The following PCDHA11 variants were observed in gnomAD, a reference collection of about 807,000 sequenced individuals.
The protein encoded by PCDHA11 is protocadherin alpha 11.
Under a neutral mutation model 70.3 loss-of-function variants are expected in PCDHA11, and 61 were observed. The ratio of observed to expected loss-of-function variants is 0.87; its 90% CI spans 0.71 to 1.07. The LOEUF (loss-of-function observed/expected upper bound fraction) is 1.07. PCDHA11 is among the 50% of genes least tolerant of loss of function. The pLI, the probability that PCDHA11 is intolerant of heterozygous loss-of-function variation, is 0.00. For missense variants in PCDHA11, 1,324 were observed against 1,237.5 expected (o/e 1.07, Z -1.05); for synonymous variants, 633 against 555.1 (o/e 1.14, Z -1.97).
At chr5:140,908,142 A>G (rs1371459142) in intron 1 of PCDHA11, among the ~76,000 whole-genome samples, 1 of 152,158 alleles carries the variant, frequency 6.6e-6, no homozygotes, top group Non-Finnish European at 1.5e-5. Flanking sequence ...TCCTTCAGGT[A>G]TGTCCTAGGA....
chr5:140,883,213 A>G, intron 1 of PCDHA11: 1 of 1,614,090 alleles, frequency 6.2e-7, no homozygotes, highest in South Asian at 1.1e-5. Flanking sequence ...AAAAGAAATT[A>G]TATGAAATAT....
At chr5:140,897,340 C>G (rs1326802877) in intron 1 of PCDHA11, among the ~76,000 whole-genome samples, 1 of 122,842 alleles carries the variant, frequency 8.1e-6, no homozygotes, top group African/African-American at 3.1e-5. Flanking sequence ...CCCCTCCCCC[C>G]ACCCCACAAC....
intron 1 of PCDHA11, chr5:140,969,039 A>G: frequency 6.2e-7 from 1 of 1,614,130 alleles, no homozygotes; most frequent in Non-Finnish European, 8.5e-7. Context: ...GAACTGTACA[A>G]ACAAGCCAAC....
At chr5:140,905,611 T>C (rs1396340503) in intron 1 of PCDHA11, among the ~76,000 whole-genome samples, 1 of 152,224 alleles carries the variant, frequency 6.6e-6, no homozygotes, top group South Asian at 2.1e-4. Flanking sequence ...ATTGAATCTA[T>C]AGATTGCTTT....
intron 1 of PCDHA11, among the ~76,000 whole-genome samples, chr5:140,932,822 A>G (rs1191525374): frequency 6.6e-6 from 1 of 151,946 alleles, no homozygotes; most frequent in Non-Finnish European, 1.5e-5. Context: ...ATAAGTGGGA[A>G]AGTATTGACA....
Position 140,884,123 on chromosome 5 carries a change from C to T in PCDHA11, c.2391+12629C>T, listed in dbSNP as rs1360744073. 2.5e-6 allele frequency: 4 copies of T among 1,613,230 alleles called. No homozygotes were observed. The African/African-American group carries it at 4.0e-5, about 16-fold the overall frequency. ...ATTGCAGCTGGCGGCGGTCGGCGCGCGCATCCCGTTCCGCGTGGGGCTGTA... is the reference window on the plus strand; with the variant it reads ...ATTGCAGCTGGCGGCGGTCGGCGCGTGCATCCCGTTCCGCGTGGGGCTGTA... On this transcript the variant is annotated intron_variant, in intron 1 of 3. Coordinates refer to ENST00000398640, the MANE Select transcript of PCDHA11 (RefSeq NM_018902.5).
intron 1 of PCDHA11, chr5:140,967,968 G>A: frequency 3.1e-6 from 5 of 1,614,218 alleles, no homozygotes; most frequent in Non-Finnish European, 4.2e-6. Flanking sequence ...CGGAAAGTGA[G>A]CCTGGGTCTG....
chr5:140,876,466 G>C, intron 1 of PCDHA11: 1 of 1,614,018 alleles, frequency 6.2e-7, no homozygotes, highest in Non-Finnish European at 8.5e-7. Flanking sequence ...TTCCATGGCA[G>C]GTCACAGCAT....
intron 1 of PCDHA11, chr5:140,927,118 G>T (rs2083863389): frequency 6.2e-7 from 1 of 1,613,946 alleles, no homozygotes; most frequent in East Asian, 2.2e-5. Context: ...CGGCAATTTG[G>T]TGGTCAGAGA....
At chr5:140,922,735 G>A (rs1370700616) in intron 1 of PCDHA11, among the ~76,000 whole-genome samples, 2 of 152,078 alleles carry the variant, frequency 1.3e-5, no homozygotes, top group Admixed American at 1.3e-4. Flanking sequence ...ACAAGGTTGA[G>A]AAAAATAAAT....
chr5:140,963,717 T>C (rs2095787814), intron 1 of PCDHA11, among the ~76,000 whole-genome samples: 1 of 152,256 alleles, frequency 6.6e-6, no homozygotes, highest in Admixed American at 6.5e-5. Context: ...ATGCTACATA[T>C]AGACTGCCAA....
intron 1 of PCDHA11, among the ~76,000 whole-genome samples, chr5:140,938,353 C>G (rs2092034112): frequency 6.6e-6 from 1 of 152,138 alleles, no homozygotes; most frequent in Admixed American, 6.5e-5. Flanking sequence ...TGTCTTATTC[C>G]TGGTCTCAGA....
rs1160788033 is a variant in PCDHA11, at chr5:140,869,511, A to T, written c.408A>T (p.Arg136Ser). 4 of 1,614,076 alleles carry T rather than the reference A, an allele frequency of 2.5e-6. No individual in the cohort carries two copies. The highest frequency in any genetic ancestry group is 2.5e-6 in the Non-Finnish European group (3 of 1,180,040). Reference sequence around the variant, plus strand: ...ACAACCCGCCGGTGTTCTCGCTCAGAGAACAAAAGCTGCTGATTGCGGAAT... The same window carrying T: ...ACAACCCGCCGGTGTTCTCGCTCAGTGAACAAAAGCTGCTGATTGCGGAAT... ...INDNPPVFSL[R>S]EQKLLIAESK... Residue 136 changes from arginine (R) to serine (S), a missense_variant, in exon 1 of 4, where the codon AGA becomes AGT. By Grantham distance (110) the Arg-to-Ser change is moderately radical (BLOSUM62 -1). Transcript: ENST00000398640.
At chr5:140,967,156 G>A (rs1169438367) in intron 1 of PCDHA11, 1 of 1,610,422 alleles carries the variant, frequency 6.2e-7, no homozygotes, top group Admixed American at 1.7e-5. Context: ...ACCCCGTGGC[G>A]GTGAGCGCCG....
chr5:140,874,556 C>CAAAA (rs2054997993), intron 1 of PCDHA11, among the ~76,000 whole-genome samples: 1 of 152,178 alleles, frequency 6.6e-6, no homozygotes, highest in African/African-American at 2.4e-5. Flanking sequence ...AGAGATCTTT[C>CAAAA]GCATTTTAGT....
rs375261398 is a variant in PCDHA11 at position 140,910,786 on chromosome 5, A to G, written c.2391+39292A>G. On this transcript the variant is annotated intron_variant, in intron 1 of 3. Transcript: ENST00000398640. ...TAAACTCCCCAAGCTGCAACATTAA[A>G]TGCAGAATCCCTGCTTAGTGGGCCC... is the stretch of plus-strand genomic sequence containing the variant. 2.6e-3 allele frequency among the ~76,000 whole-genome samples: 391 copies of G among 152,326 alleles called. 2 individuals are homozygous for G. Among genetic ancestry groups the G allele is most frequent in the African/African-American group, 9.1e-3 (380 of 41,560 alleles).
chr5:140,872,582 G>A (rs535860760), intron 1 of PCDHA11, among the ~76,000 whole-genome samples: 8 of 152,084 alleles, frequency 5.3e-5, no homozygotes, highest in Non-Finnish European at 1.2e-4. Flanking sequence ...ACCTATCATC[G>A]TGAGACCCCC....
At chr5:140,936,112 C>T (rs782017334) in intron 1 of PCDHA11, among the ~76,000 whole-genome samples, 2 of 152,008 alleles carry the variant, frequency 1.3e-5, no homozygotes, top group Non-Finnish European at 2.9e-5. Context: ...AGGCTGGTCT[C>T]GAACTCCTGA....
rs782568001 is a variant in PCDHA11, at chr5:140,876,674, A to G, written c.2391+5180A>G. The G allele has an allele frequency of 5.0e-6, 8 of 1,614,142 alleles. No homozygotes were observed. The South Asian group carries it at 7.7e-5, about 16-fold the overall frequency. On this transcript the variant is annotated intron_variant, in intron 1 of 3. Transcript: ENST00000398640. ...GTTCCCTTCAAGCTGGTGTCCACCTACAAGAATTACTACTCGTTGGTGCTG... is the reference window on the plus strand; with the variant it reads ...GTTCCCTTCAAGCTGGTGTCCACCTGCAAGAATTACTACTCGTTGGTGCTG...
Sources: gnomAD v4.1 joint callset for allele counts (sites outside exome capture counted in the v4.1 genomes callset) on GRCh38, gnomAD v4.1.1 for gene constraint, MANE v1.5 for transcripts, NCBI Gene and HGNC (gene_info 2026-07-23, HGNC 2026-07-21) for gene names.